Variants in SHTN1 observed in about 807,000 individuals in gnomAD.
The protein encoded by SHTN1 is shootin-1.
Under a neutral mutation model 83.1 loss-of-function variants are expected in SHTN1, and 42 were observed. That is an observed-to-expected ratio of 0.51 (90% CI 0.39 to 0.65). The LOEUF (loss-of-function observed/expected upper bound fraction) is 0.65, where lower values mean the gene tolerates loss of function less well. Among genes scored for constraint, SHTN1 ranks in the 30% least tolerant of loss-of-function variants. The probability of loss-of-function intolerance (pLI) is 0.00; values close to 1 mark genes in which losing one functional copy is unlikely to be tolerated. For missense variants in SHTN1, 622 were observed against 737.8 expected, an observed-to-expected ratio of 0.84 and a Z score of 1.82; for synonymous variants, 224 against 247.7, an observed-to-expected ratio of 0.90 and a Z score of 0.90.
chr10:116,990,283 C>CTTTTTTTTTTTTTT (rs1462733730), intron 1 of SHTN1, among the ~76,000 whole-genome samples: 1 of 56,318 alleles, frequency 1.8e-5, no homozygotes, highest in Admixed American at 2.8e-4. Flanking sequence ...TTTCTTTTTT[C>CTTTTTTTTTTTTTT]TTTCTTTTTT....
rs5788209 is a variant in SHTN1 at position 117,097,030 on chromosome 10, G to GACACACACAC, written c.-189+29267_-189+29276dup. Among the ~76,000 whole-genome samples, 1,470 of 149,028 alleles carry GACACACACAC rather than the reference G, an allele frequency of 9.9e-3. 8 individuals carry two copies. Among genetic ancestry groups the GACACACACAC allele is most frequent in the Non-Finnish European group, 0.015 (991 of 67,034 alleles). ...ACGCGCGCGCACACACACACACATA[G>GACACACACAC]ACACACACACACACACACACACACA... On this transcript the variant is annotated intron_variant, in intron 1 of 17. Coordinates refer to the SHTN1 transcript ENST00000392901.
chr10:116,998,897 T>G (rs1204535267), intron 1 of SHTN1, among the ~76,000 whole-genome samples: 1 of 152,214 alleles, frequency 6.6e-6, no homozygotes, highest in Non-Finnish European at 1.5e-5. Context: ...AGAAAATATA[T>G]GTATATACCA....
At position 116,927,850 on chromosome 10, in the gene SHTN1, C is replaced by G. The variant is rs1848803587; in HGVS notation, c.1054G>C (p.Val352Leu). Residue 352 changes from valine to leucine, a missense_variant, in exon 11 of 17, where the codon GTA (valine) becomes CTA (leucine). By Grantham distance (32) the Val-to-Leu change is conservative. Around this residue, in one of 3 missense-constraint regions of SHTN1, gnomAD observed 383 missense variants for 455.8 expected, o/e 0.84. Coordinates refer to ENST00000355371, the MANE Select transcript of SHTN1 (RefSeq NM_001127211.3). ...QKRVNQSENS[V>L]PPPPPPPPPL... Reference sequence around the variant, plus strand: ...GGTGGAGGAGGAGGTGGTGGAGGTACTGAATTCTCAGACTGGTTCACTCGT... The same window carrying G: ...GGTGGAGGAGGAGGTGGTGGAGGTAGTGAATTCTCAGACTGGTTCACTCGT... The G allele has an allele frequency of 6.2e-7, 1 of 1,611,106 alleles. No individual in the cohort carries two copies. Among genetic ancestry groups the G allele is most frequent in the Non-Finnish European group, 8.5e-7 (1 of 1,178,714 alleles).
intron 1 of SHTN1, among the ~76,000 whole-genome samples, chr10:117,090,206 T>C (rs764385334): frequency 6.6e-6 from 1 of 152,146 alleles, no homozygotes; most frequent in Non-Finnish European, 1.5e-5. Flanking sequence ...GTAATATACA[T>C]ACAATGGAAT....
In SHTN1 at chr10:116,881,477, T is replaced by G. The variant is rs374425646; in HGVS notation, c.*4867A>C. 1 of 1,459,344 alleles carries G rather than the reference T, an allele frequency of 6.9e-7. No individual in the cohort carries two copies. Among genetic ancestry groups the G allele is most frequent in the South Asian group, 1.4e-5 (1 of 71,940 alleles). The allele number at this position is 1,459,344 out of a possible 1,614,324, so 90.4% of individuals were successfully genotyped here. ...ATGTAGTATATAAAAACTGGCACCATTGGATTAGACAGTAAACTTTATTGT... is the reference window on the plus strand; with the variant it reads ...ATGTAGTATATAAAAACTGGCACCAGTGGATTAGACAGTAAACTTTATTGT... On this transcript the variant is annotated 3_prime_UTR_variant, in exon 17 of 17. Coordinates refer to ENST00000355371, the MANE Select transcript of SHTN1 (RefSeq NM_001127211.3).
chr10:116,986,484 T>C (rs541511178), intron 1 of SHTN1, among the ~76,000 whole-genome samples: 1 of 152,170 alleles, frequency 6.6e-6, no homozygotes, highest in Non-Finnish European at 1.5e-5. Context: ...CAGGGGGACA[T>C]AGCCTTAGAG....
Position 117,029,430 on chromosome 10 carries a change from T to C in SHTN1, c.-123+19015A>G, listed in dbSNP as rs537902806. Among the ~76,000 whole-genome samples, 4 of 152,252 alleles carry C rather than the reference T, an allele frequency of 2.6e-5. No homozygotes were observed. The East Asian group carries it at 7.7e-4, about 29-fold the overall frequency. On this transcript the variant is annotated intron_variant, in intron 2 of 17. Coordinates refer to the SHTN1 transcript ENST00000392901. ...GGATTGTTGAGAAGGCATGATGGTATTTTGCAATGTGAGAAGTACATGAGA... is the reference window on the plus strand; with the variant it reads ...GGATTGTTGAGAAGGCATGATGGTACTTTGCAATGTGAGAAGTACATGAGA...
chr10:116,903,244 C>A (rs1010297982), intron 15 of SHTN1, among the ~76,000 whole-genome samples: 1 of 152,168 alleles, frequency 6.6e-6, no homozygotes, highest in African/African-American at 2.4e-5. Flanking sequence ...TCTAAAAGGC[C>A]TTTTCCGGCT....
chr10:116,942,828 A>C (rs1849433631), intron 8 of SHTN1, among the ~76,000 whole-genome samples: 1 of 152,224 alleles, frequency 6.6e-6, no homozygotes, highest in African/African-American at 2.4e-5. Context: ...TGGATTCCCA[A>C]TGTCAGCACA....
intron 2 of SHTN1, among the ~76,000 whole-genome samples, chr10:117,020,372 G>A (rs930340461): frequency 6.6e-6 from 1 of 151,022 alleles, no homozygotes; most frequent in Non-Finnish European, 1.5e-5. Context: ...GGTGACACGC[G>A]CCTGTAATCC....
chr10:116,949,604 T>C (rs530120165), intron 6 of SHTN1, among the ~76,000 whole-genome samples: 16 of 152,352 alleles, frequency 1.1e-4, no homozygotes, highest in African/African-American at 3.1e-4. Flanking sequence ...ACATGGCACA[T>C]GTATACATAT....
intron 16 of SHTN1, among the ~76,000 whole-genome samples, chr10:116,894,005 CT>C (rs1462586577): frequency 2.0e-5 from 3 of 152,130 alleles, no homozygotes; most frequent in African/African-American, 7.2e-5. Context: ...ATCAGAAATA[CT>C]GAATGAAGAG....
At chr10:117,084,921 C>G (rs929742901) in intron 1 of SHTN1, among the ~76,000 whole-genome samples, 17 of 152,112 alleles carry the variant, frequency 1.1e-4, no homozygotes, top group African/African-American at 4.1e-4. Context: ...CCCCCACTGA[C>G]CTGCGCCCAC....
At chr10:116,962,441 C>T (rs1850216307) in intron 3 of SHTN1, among the ~76,000 whole-genome samples, 1 of 152,062 alleles carries the variant, frequency 6.6e-6, no homozygotes, top group South Asian at 2.1e-4. Context: ...TCAAATATTA[C>T]TTTGAATTTT....
At chr10:116,992,662 TA>T (rs1477697048) in intron 1 of SHTN1, among the ~76,000 whole-genome samples, 1 of 152,090 alleles carries the variant, frequency 6.6e-6, no homozygotes, top group African/African-American at 2.4e-5. Flanking sequence ...CTATCCCTTT[TA>T]AAATGCAAAC....
intron 2 of SHTN1, among the ~76,000 whole-genome samples, chr10:117,042,862 C>T (rs1160737271): frequency 1.3e-5 from 2 of 152,026 alleles, no homozygotes; most frequent in Non-Finnish European, 2.9e-5. Context: ...GTGATCCACC[C>T]GCCTCAGCCT....
chr10:116,999,505 A>G (rs74524225), intron 1 of SHTN1, among the ~76,000 whole-genome samples: 4,534 of 152,300 alleles, frequency 0.03, 116 homozygotes, highest in Middle Eastern at 0.048. Flanking sequence ...TTTCCTTAGG[A>G]GAGTGATAAT....
chr10:117,014,679 T>A (rs1167899393), intron 2 of SHTN1, among the ~76,000 whole-genome samples: 2 of 152,176 alleles, frequency 1.3e-5, no homozygotes, highest in Non-Finnish European at 2.9e-5. Context: ...TATGTGTTCT[T>A]AAAAATTATT....
At chr10:116,983,672 ATAG>A (rs1564913585) in intron 1 of SHTN1, among the ~76,000 whole-genome samples, 5 of 104,444 alleles carry the variant, frequency 4.8e-5, no homozygotes, top group African/African-American at 1.7e-4. Flanking sequence ...AGATAGATAG[ATAG>A]ATAGATAGAT....
Sources: allele counts gnomAD v4.1 joint callset (sites outside exome capture counted in the v4.1 genomes callset), GRCh38; gene constraint gnomAD v4.1.1; regional missense constraint gnomAD v4.1.1; transcripts MANE v1.5; gene names NCBI Gene and HGNC (gene_info 2026-07-23, HGNC 2026-07-21).